The following TLE6 variants were observed in gnomAD, a reference collection of about 807,000 sequenced individuals.
TLE6 encodes the protein transducin-like enhancer protein 6.
In TLE6, 72 loss-of-function variants were observed where a neutral mutation model predicts 77.1. The ratio of observed to expected loss-of-function variants is 0.93; its 90% CI spans 0.77 to 1.14. The LOEUF (loss-of-function observed/expected upper bound fraction) is 1.14. TLE6 is among the 50% of genes most tolerant of loss of function. The pLI is 0.00. For missense variants in TLE6, 843 were observed against 747.6 expected, an observed-to-expected ratio of 1.13 and a Z score of -1.49; for synonymous variants, 366 against 287.3, an observed-to-expected ratio of 1.27 and a Z score of -2.77.
At chr19:2,981,644 G>A (rs1224806755) in intron 4 of TLE6, 61 bp downstream of exon 4, 1 of 1,519,936 alleles carries the variant, frequency 6.6e-7, no homozygotes, top group East Asian at 2.5e-5. Flanking sequence ...CTGAGGCCCT[G>A]GTTTCCCGGC....
At position 2,989,248 on chromosome 19, in the gene TLE6, A is replaced by C; in HGVS notation, c.928A>C (p.Lys310Gln). The C allele has an allele frequency of 3.7e-6, 6 of 1,613,946 alleles. No homozygotes were observed. Among genetic ancestry groups the C allele is most frequent in the Non-Finnish European group, 4.2e-6 (5 of 1,180,022 alleles). The change falls in exon 12 of 17, where the codon AAG (lysine) becomes CAG (glutamine). Residue 310 changes from lysine to glutamine, a missense_variant. Transcript: ENST00000246112. ...HVFTCGRRGI[K>Q]VWSLTGQVAE... ...GTTCACCTGTGGCAGAAGAGGCATCAAGGTGTGGAGCCTGACTGGACAGGT... is the reference window on the plus strand; with the variant it reads ...GTTCACCTGTGGCAGAAGAGGCATCCAGGTGTGGAGCCTGACTGGACAGGT...
intron 13 of TLE6, among the ~76,000 whole-genome samples, chr19:2,991,075 G>A (rs1000912438): frequency 6.8e-6 from 1 of 147,038 alleles, no homozygotes; most frequent in Admixed American, 6.8e-5. Context: ...TTAAATATAT[G>A]TAAATAGGCT....
At chr19:2,992,025 C>T (rs776090270) in intron 14 of TLE6, 41 bp downstream of exon 14, 120 of 1,603,836 alleles carry the variant, frequency 7.5e-5, no homozygotes, top group Non-Finnish European at 1.0e-4. Context: ...CAGGCATCCT[C>T]TGGTCCTCAG....
rs435806 is a variant in TLE6, at chr19:2,993,429, T to C, written c.1387-3T>C. 0.3 allele frequency: 478,078 copies of C among 1,596,926 alleles called. 77,952 individuals carry two copies. The highest frequency in any genetic ancestry group is 0.62 in the African/African-American group (46,267 of 74,194). ...TCCTCCCTCCCCACTGCCCATTACC[T>C]AGATAATGAGCCTGTCCCACAGCCC... On this transcript the variant is annotated splice_polypyrimidine_tract_variant and splice_region_variant and intron_variant, in intron 14 of 16. Transcript: ENST00000246112.
At chr19:2,992,052 G>C in intron 14 of TLE6, 68 bp downstream of exon 14, 2 of 1,581,592 alleles carry the variant, frequency 1.3e-6, no homozygotes, top group Non-Finnish European at 1.7e-6. Context: ...AAATGAGGTT[G>C]AGGCCGGGCT....
intron 3 of TLE6, among the ~76,000 whole-genome samples, chr19:2,980,892 TAAA>T (rs529993481): frequency 6.7e-6 from 1 of 149,498 alleles, no homozygotes. Flanking sequence ...TCTTAAAAAA[TAAA>T]AAAAATCTAG....
chr19:2,987,402 G>C, intron 8 of TLE6, 30 bp downstream of exon 8: 1 of 1,612,848 alleles, frequency 6.2e-7, no homozygotes, highest in Non-Finnish European at 8.5e-7. Flanking sequence ...TCTATCCAGA[G>C]GGGTGGGCTT....
intron 9 of TLE6, 51 bp downstream of exon 9, chr19:2,987,841 G>A: frequency 6.2e-7 from 1 of 1,613,594 alleles, no homozygotes; most frequent in Non-Finnish European, 8.5e-7. Flanking sequence ...TGGGGTGGGG[G>A]CATCCTGTGC....
intron 2 of TLE6, 60 bp downstream of exon 2, chr19:2,978,344 G>T (rs1452071078): frequency 7.2e-6 from 11 of 1,531,110 alleles, no homozygotes; most frequent in Non-Finnish European, 9.7e-6. Flanking sequence ...ATGTGGTTCT[G>T]CCCCTTTTCC....
chr19:2,990,648 T>TAC (rs2089025811), intron 13 of TLE6, among the ~76,000 whole-genome samples: 3 of 139,020 alleles, frequency 2.2e-5, no homozygotes, highest in Non-Finnish European at 3.0e-5. Context: ...TAAATATATA[T>TAC]ATAAATACAT....
chr19:2,991,415 C>T (rs1010462388), intron 13 of TLE6, among the ~76,000 whole-genome samples: 1 of 148,296 alleles, frequency 6.7e-6, no homozygotes, highest in African/African-American at 2.5e-5. Context: ...CACACACACA[C>T]ACACACACAC....
chr19:2,982,713 T>A (rs1196224765), intron 5 of TLE6, among the ~76,000 whole-genome samples: 5 of 151,716 alleles, frequency 3.3e-5, no homozygotes, highest in Non-Finnish European at 7.4e-5. Flanking sequence ...GCCCCCGTGA[T>A]ATTAGTGGAG....
Position 2,989,179 on chromosome 19 carries a change from G to C in TLE6, c.859G>C (p.Glu287Gln). Residue 287 changes from glutamate to glutamine, a missense_variant, in exon 12 of 17, where the codon GAG (glutamate) becomes CAG (glutamine). Transcript: ENST00000246112. Reference sequence around the variant, plus strand: ...AAAGATGCGGATCTTGGCACACGGGGAGCTCGTGCTCGCCACGGCCATCAG... The same window carrying C: ...AAAGATGCGGATCTTGGCACACGGGCAGCTCGTGCTCGCCACGGCCATCAG... Reference protein sequence around the residue: ...LEKMRILAHGELVLATAISSF... With the variant: ...LEKMRILAHGQLVLATAISSF... 1 of 1,614,140 alleles carries C rather than the reference G, an allele frequency of 6.2e-7. No individual in the cohort carries two copies.
chr19:2,988,117 T>A lies in TLE6; in HGVS notation c.729T>A (p.Phe243Leu). ...AGCCTCCTGGAAGAGCCTCTCGGTT[T>A]CTACAGTCCATGTAAGTGTCTGCAC... The part of the protein sequence containing the change: ...VQEPPGRASR[F>L]LQSISWDPED... Residue 243 changes from phenylalanine (F) to leucine (L), a missense_variant, in exon 11 of 17, where the codon TTT becomes TTA. Phe to Leu is a conservative substitution (Grantham distance 22). Coordinates refer to ENST00000246112, the MANE Select transcript of TLE6 (RefSeq NM_001143986.2). 6.4e-7 allele frequency: 1 copy of A among 1,551,858 alleles called. No homozygotes were observed. Among genetic ancestry groups the A allele is most frequent in the Non-Finnish European group, 8.7e-7 (1 of 1,147,064 alleles).
chr19:2,993,897 G>T lies in TLE6; in HGVS notation c.1538-122G>T, dbSNP rs1319661441. 9 of 889,340 alleles carry T rather than the reference G, an allele frequency of 1.0e-5. 1 individual carries two copies. Among genetic ancestry groups the T allele is most frequent in the Non-Finnish European group, 1.6e-5 (9 of 568,578 alleles). The allele number at this position is 889,340 out of a possible 1,614,324, so 55.1% of individuals were successfully genotyped here. On this transcript the variant is annotated intron_variant, in intron 15 of 16. Transcript: ENST00000246112. ...ATACCACTGACTGTAGTCCAGCCTG[G>T]GTGACAGAGTGAGACCCTGTCTCAA...
Position 2,989,195 on chromosome 19 carries a change from C to A in TLE6, c.875C>A (p.Thr292Lys). The A allele has an allele frequency of 1.2e-6, 2 of 1,614,126 alleles. No homozygotes were observed. Among genetic ancestry groups the A allele is most frequent in the Non-Finnish European group, 1.7e-6 (2 of 1,180,036 alleles). Residue 292 changes from threonine to lysine, a missense_variant, in exon 12 of 17, where the codon ACG becomes AAG. Thr to Lys is a moderately conservative substitution (Grantham distance 78). Coordinates refer to ENST00000246112, the MANE Select transcript of TLE6 (RefSeq NM_001143986.2). ...ILAHGELVLATAISSFTRHVF... is the reference protein window; with the variant it reads ...ILAHGELVLAKAISSFTRHVF... Reference sequence around the variant, plus strand: ...GCACACGGGGAGCTCGTGCTCGCCACGGCCATCAGCAGCTTCACGCGGCAC... The same window carrying A: ...GCACACGGGGAGCTCGTGCTCGCCAAGGCCATCAGCAGCTTCACGCGGCAC...
chr19:2,985,211 T>C (rs2036435959), intron 5 of TLE6, among the ~76,000 whole-genome samples: 1 of 151,608 alleles, frequency 6.6e-6, no homozygotes, highest in Non-Finnish European at 1.5e-5. Flanking sequence ...GGTGGTGCCA[T>C]TGCACTCCAG....
chr19:2,984,926 G>A (rs528302657), intron 5 of TLE6, among the ~76,000 whole-genome samples: 1 of 152,198 alleles, frequency 6.6e-6, no homozygotes, highest in Non-Finnish European at 1.5e-5. Context: ...TGGTCAGATG[G>A]CTTGATTTTT....
In TLE6 at chr19:2,987,561, C is replaced by A. The variant is rs562541953; in HGVS notation, c.559-163C>A. On this transcript the variant is annotated intron_variant, in intron 8 of 16. Transcript: ENST00000246112. Reference sequence around the variant, plus strand: ...GTAGCCCAGGACCCACAGCCCAGGGCTTCCAGGACCCTATACCCTGACTCT... The same window carrying A: ...GTAGCCCAGGACCCACAGCCCAGGGATTCCAGGACCCTATACCCTGACTCT... 3.6e-4 allele frequency: 388 copies of A among 1,091,658 alleles called. 1 individual carries two copies. The African/African-American group carries it at 5.3e-3, about 15-fold the overall frequency. The allele number at this position is 1,091,658 out of a possible 1,614,324, so 67.6% of individuals were successfully genotyped here.
Sources: allele counts gnomAD v4.1 joint callset (sites outside exome capture counted in the v4.1 genomes callset), GRCh38; gene constraint gnomAD v4.1.1; transcripts MANE v1.5; gene names NCBI Gene and HGNC (gene_info 2026-07-23, HGNC 2026-07-21).